The following PTGFR variants were observed in gnomAD, a reference collection of about 807,000 sequenced individuals.
The protein encoded by PTGFR is prostaglandin F receptor, also known as prostaglandin F2-alpha receptor.
A neutral mutation model predicts 26.2 loss-of-function variants in PTGFR; 15 were observed. That is an observed-to-expected ratio of 0.57 (90% CI 0.38 to 0.88). The LOEUF (loss-of-function observed/expected upper bound fraction) is 0.88, where lower values mean the gene tolerates loss of function less well. Ranked by LOEUF, PTGFR falls within the 40% of genes least tolerant of loss-of-function variation. The probability of loss-of-function intolerance (pLI) is 0.00; values close to 1 mark genes in which losing one functional copy is unlikely to be tolerated. For missense variants in PTGFR, 369 were observed against 427.2 expected (o/e 0.86, Z 1.20); for synonymous variants, 165 against 151.1 (o/e 1.09, Z -0.68).
intron 2 of PTGFR, among the ~76,000 whole-genome samples, chr1:78,500,666 C>A (rs1467499459): frequency 6.6e-6 from 1 of 152,216 alleles, no homozygotes; most frequent in African/African-American, 2.4e-5. Context: ...ATGTCTGCCC[C>A]AAAGTCTATT....
chr1:78,523,790 A>G (rs1650303217), intron 2 of PTGFR, among the ~76,000 whole-genome samples: 2 of 152,112 alleles, frequency 1.3e-5, no homozygotes, highest in African/African-American at 4.8e-5. Flanking sequence ...GATATTTTAA[A>G]TGTTTGTTAG....
intron 2 of PTGFR, among the ~76,000 whole-genome samples, chr1:78,495,121 TC>T (rs1484458300): frequency 7.9e-5 from 12 of 152,234 alleles, no homozygotes; most frequent in Non-Finnish European, 1.8e-4. Context: ...TTTGTGTTGT[TC>T]CTGAGTTGGC....
chr1:78,535,041 G>A (rs953252059), intron 2 of PTGFR, among the ~76,000 whole-genome samples: 3 of 152,202 alleles, frequency 2.0e-5, no homozygotes, highest in African/African-American at 7.2e-5. Context: ...GTAATGATGA[G>A]TGCTTGGGCA....
Position 78,493,072 on chromosome 1 carries a change from T to G in PTGFR, c.329T>G (p.Ile110Ser), listed in dbSNP as rs1225852806. 5 of 1,614,228 alleles carry G rather than the reference T, an allele frequency of 3.1e-6. No homozygotes were observed. The South Asian group carries it at 3.3e-5, about 11-fold the overall frequency. Residue 110 changes from isoleucine (I) to serine (S), a missense_variant, in exon 2 of 3, where the codon ATT (isoleucine) becomes AGT (serine). Transcript: ENST00000370757. ...RFDQSNVLCS[I>S]FGICMVFSGL... is the part of the protein sequence containing the mutation. Reference sequence around the variant, plus strand: ...GACCAATCAAATGTCCTTTGCAGTATTTTTGGTATCTGCATGGTGTTTTCT... The same window carrying G: ...GACCAATCAAATGTCCTTTGCAGTAGTTTTGGTATCTGCATGGTGTTTTCT...
At chr1:78,513,883 C>A (rs759805469) in intron 2 of PTGFR, among the ~76,000 whole-genome samples, 1 of 152,232 alleles carries the variant, frequency 6.6e-6, no homozygotes, top group African/African-American at 2.4e-5. Context: ...TTGGCCACTG[C>A]CAAGTGTGTA....
intron 2 of PTGFR, among the ~76,000 whole-genome samples, chr1:78,525,873 A>G (rs1650358570): frequency 1.3e-5 from 2 of 152,148 alleles, no homozygotes; most frequent in Admixed American, 6.6e-5. Context: ...GACAATGACC[A>G]GTCAAACTCT....
At chr1:78,518,601 CACACACACACACACACACAT>C (rs931226259) in intron 2 of PTGFR, among the ~76,000 whole-genome samples, 4 of 130,520 alleles carry the variant, frequency 3.1e-5, no homozygotes, top group South Asian at 2.6e-4. Flanking sequence ...CACACACACA[CACACACACACACACACACAT>C]ACGCATTTAT....
At chr1:78,502,306 A>G (rs1649729010) in intron 2 of PTGFR, among the ~76,000 whole-genome samples, 1 of 152,190 alleles carries the variant, frequency 6.6e-6, no homozygotes, top group African/African-American at 2.4e-5. Context: ...AGCCTTTGAA[A>G]AAGCAATATA....
intron 2 of PTGFR, among the ~76,000 whole-genome samples, chr1:78,501,621 G>C (rs923142071): frequency 6.6e-6 from 1 of 152,134 alleles, no homozygotes; most frequent in African/African-American, 2.4e-5. Context: ...GAGTGTGGCC[G>C]TGGTGTGATG....
intron 2 of PTGFR, among the ~76,000 whole-genome samples, chr1:78,499,152 C>G (rs1649635595): frequency 6.6e-6 from 1 of 152,168 alleles, no homozygotes; most frequent in Non-Finnish European, 1.5e-5. Context: ...GTCCCTGAGC[C>G]TTGGTGTTCT....
chr1:78,524,327 G>A (rs1403613532), intron 2 of PTGFR, among the ~76,000 whole-genome samples: 1 of 151,992 alleles, frequency 6.6e-6, no homozygotes, highest in African/African-American at 2.4e-5. Context: ...TGAGGAAGAG[G>A]ATAAATACAT....
chr1:78,512,889 C>T (rs1570282314), intron 2 of PTGFR, among the ~76,000 whole-genome samples: 1 of 152,002 alleles, frequency 6.6e-6, no homozygotes, highest in South Asian at 2.1e-4. Context: ...TGTGGGACCT[C>T]CCCCTTCTCT....
chr1:78,502,863 A>G (rs1299999092), intron 2 of PTGFR, among the ~76,000 whole-genome samples: 1 of 152,150 alleles, frequency 6.6e-6, no homozygotes, highest in East Asian at 1.9e-4. Flanking sequence ...AGATAAAAAG[A>G]GAAGAGATAT....
In PTGFR at chr1:78,536,749, T is replaced by G; in HGVS notation, c.*62T>G. The G allele has an allele frequency of 6.6e-7, 1 of 1,513,958 alleles. No homozygotes were observed. Among genetic ancestry groups the G allele is most frequent in the Non-Finnish European group, 8.9e-7 (1 of 1,128,434 alleles). 93.8% of individuals were successfully genotyped at this position (1,513,958 alleles called of 1,614,324 possible). A position where few individuals can be genotyped will look rare whatever the true frequency, so the allele number is the denominator to read the frequency against. ...AAATTAAGACATGTTTGGCAATATT[T>G]CAGTTAGTTAAATACCTGTAGCCTA... On this transcript the variant is annotated 3_prime_UTR_variant, in exon 3 of 3. Coordinates refer to ENST00000370757, the MANE Select transcript of PTGFR (RefSeq NM_000959.4).
intron 2 of PTGFR, among the ~76,000 whole-genome samples, chr1:78,527,402 T>G (rs1042370960): frequency 4.6e-5 from 7 of 152,114 alleles, no homozygotes; most frequent in African/African-American, 1.7e-4. Context: ...ATTTTTTCAT[T>G]ATCAGTGTTA....
chr1:78,509,637 T>C (rs1300033453), intron 2 of PTGFR, among the ~76,000 whole-genome samples: 4 of 152,242 alleles, frequency 2.6e-5, no homozygotes, highest in Non-Finnish European at 4.4e-5. Context: ...TTTTTGTTAC[T>C]GAAATCTAGC....
chr1:78,522,815 C>T (rs545326944), intron 2 of PTGFR, among the ~76,000 whole-genome samples: 1 of 152,182 alleles, frequency 6.6e-6, no homozygotes, highest in East Asian at 1.9e-4. Flanking sequence ...CCCAATTTAT[C>T]TTAACTATCT....
chr1:78,536,714 G>A lies in PTGFR; in HGVS notation c.*27G>A, dbSNP rs780472320. The A allele has an allele frequency of 1.9e-6, 3 of 1,579,526 alleles. No homozygotes were observed. Among genetic ancestry groups the A allele is most frequent in the South Asian group, 1.2e-5 (1 of 85,656 alleles). ...TTAATAGGACAGTAAATCTGTGTGG[G>A]GCTAGAACAAAATTAAGACATGTTT... On this transcript the variant is annotated 3_prime_UTR_variant, in exon 3 of 3. Coordinates refer to ENST00000370757, the MANE Select transcript of PTGFR (RefSeq NM_000959.4).
At chr1:78,507,088 A>G (rs1475642981) in intron 2 of PTGFR, among the ~76,000 whole-genome samples, 1 of 152,216 alleles carries the variant, frequency 6.6e-6, no homozygotes, top group Non-Finnish European at 1.5e-5. Context: ...AGATTTGGTC[A>G]GAATTTATAT....
Sources: gnomAD v4.1 joint callset for allele counts (sites outside exome capture counted in the v4.1 genomes callset) on GRCh38, gnomAD v4.1.1 for gene constraint, MANE v1.5 for transcripts, NCBI Gene and HGNC (gene_info 2026-07-23, HGNC 2026-07-21) for gene names.